MTSS1: variants seen among roughly 807,000 people sequenced by gnomAD.
The protein encoded by MTSS1 is MTSS I-BAR domain containing 1.
A neutral mutation model predicts 79.0 loss-of-function variants in MTSS1; 18 were observed. That is an observed-to-expected ratio of 0.23 (90% confidence interval 0.16 to 0.34). MTSS1 has a LOEUF of 0.34. Ranked by LOEUF, MTSS1 falls within the 10% of genes least tolerant of loss-of-function variation. MTSS1 has a pLI of 1.00. For synonymous variants in MTSS1, 341 were observed against 368.6 expected, an observed-to-expected ratio of 0.93 and a Z score of 0.86; for missense variants, 815 against 986.2, an observed-to-expected ratio of 0.83 and a Z score of 2.33.
chr8:124,695,354 G>T, intron 3 of MTSS1, among the ~76,000 whole-genome samples: 1 of 150,866 alleles, frequency 6.6e-6, no homozygotes, highest in Non-Finnish European at 1.5e-5. Flanking sequence ...AAAAATACAT[G>T]TAAAGGCTGT....
intron 3 of MTSS1, among the ~76,000 whole-genome samples, chr8:124,622,466 T>C (rs2133582327): frequency 6.8e-6 from 1 of 146,986 alleles, no homozygotes; most frequent in East Asian, 2.0e-4. Flanking sequence ...CAGTAGATTT[T>C]AGGAGCTCTT....
chr8:124,614,386 A>T (rs2133363999), intron 3 of MTSS1, among the ~76,000 whole-genome samples: 1 of 152,270 alleles, frequency 6.6e-6, no homozygotes, highest in South Asian at 2.1e-4. Context: ...AGGCCGCAAT[A>T]CCATTTCCCT....
At chr8:124,703,441 C>A (rs549520338) in intron 2 of MTSS1, among the ~76,000 whole-genome samples, 1 of 152,274 alleles carries the variant, frequency 6.6e-6, no homozygotes, top group East Asian at 1.9e-4. Flanking sequence ...TACAGGCACT[C>A]GTCACCATGC....
At chr8:124,600,047 A>C (rs1346666961) in intron 3 of MTSS1, among the ~76,000 whole-genome samples, 3 of 77,598 alleles carry the variant, frequency 3.9e-5, no homozygotes, top group Non-Finnish European at 6.8e-5. Context: ...CTACAAAAAA[A>C]AAAAAAACAA....
At chr8:124,695,508 A>G (rs1012352726) in intron 3 of MTSS1, among the ~76,000 whole-genome samples, 1 of 152,218 alleles carries the variant, frequency 6.6e-6, no homozygotes, top group South Asian at 2.1e-4. Flanking sequence ...TTTACAGATT[A>G]TCATTTCCTT....
At chr8:124,642,649 AT>A (rs1233920762) in intron 3 of MTSS1, among the ~76,000 whole-genome samples, 4 of 152,004 alleles carry the variant, frequency 2.6e-5, no homozygotes, top group Non-Finnish European at 5.9e-5. Context: ...CTGCATTGCA[AT>A]GGCATGATCT....
intron 3 of MTSS1, among the ~76,000 whole-genome samples, chr8:124,602,207 A>ATATATATACATATATATATACATAT: frequency 7.0e-6 from 1 of 142,224 alleles, no homozygotes; most frequent in African/African-American, 2.7e-5. Context: ...ATATATATAT[A>ATATATATACATATATATATACATAT]ATTTTTTTTT....
chr8:124,683,599 A>G lies in MTSS1; in HGVS notation c.208+15927T>C, dbSNP rs1276431015. On this transcript the variant is annotated intron_variant, in intron 3 of 13. Transcript: ENST00000518547. The surrounding 1 kb of genome is among the most constrained non-coding windows in gnomAD (Gnocchi z 4.5). ...GGAAGCATCCAGACAGACGGAGTGG[A>G]ACAACACAACCTTTCCAACACGAAG... 6.6e-6 allele frequency among the ~76,000 whole-genome samples: 1 copy of G among 152,214 alleles called. No homozygotes were observed. The highest frequency in any genetic ancestry group is 2.4e-5 in the African/African-American group (1 of 41,438).
chr8:124,589,614 C>T lies in MTSS1; in HGVS notation c.385+6G>A. 1 of 1,612,064 alleles carries T rather than the reference C, an allele frequency of 6.2e-7. No homozygotes were observed. Among genetic ancestry groups the T allele is most frequent in the Non-Finnish European group, 8.5e-7 (1 of 1,178,896 alleles). Reference sequence around the variant, plus strand: ...CAGTGATGCGCTAGACATCTCGCCCCTGTACCTTTTGCGTGGTCTTTATCC... The same window carrying T: ...CAGTGATGCGCTAGACATCTCGCCCTTGTACCTTTTGCGTGGTCTTTATCC... On this transcript the variant is annotated splice_donor_region_variant and intron_variant, in intron 5 of 13. Coordinates refer to ENST00000518547, the MANE Select transcript of MTSS1 (RefSeq NM_014751.6).
chr8:124,607,157 C>T lies in MTSS1; in HGVS notation c.209-15922G>A, dbSNP rs186076302. Reference sequence around the variant, plus strand: ...TCGCGTTCTACGCTCGTAATATTTGCTCTTCCTCGATTCTCTCCTGGCTCC... The same window carrying T: ...TCGCGTTCTACGCTCGTAATATTTGTTCTTCCTCGATTCTCTCCTGGCTCC... On this transcript the variant is annotated intron_variant, in intron 3 of 13. Coordinates refer to ENST00000518547, the MANE Select transcript of MTSS1 (RefSeq NM_014751.6). Among the ~76,000 whole-genome samples, 248 of 152,322 alleles carry T rather than the reference C, an allele frequency of 1.6e-3. 1 individual carries two copies. The highest frequency in any genetic ancestry group is 5.6e-3 in the African/African-American group (233 of 41,576).
chr8:124,603,712 C>T (rs2133076423), intron 3 of MTSS1, among the ~76,000 whole-genome samples: 1 of 152,308 alleles, frequency 6.6e-6, no homozygotes, highest in African/African-American at 2.4e-5. Context: ...TCACAGAGAT[C>T]AGACTCTGTT....
chr8:124,563,027 G>T, intron 9 of MTSS1, 35 bp from the exon 10 acceptor site: 3 of 1,554,312 alleles, frequency 1.9e-6, no homozygotes, highest in Non-Finnish European at 1.7e-6. Flanking sequence ...GGGTGGGCAC[G>T]GAAGGTAAAG....
chr8:124,725,051 C>T (rs1833491034), intron 1 of MTSS1, among the ~76,000 whole-genome samples: 2 of 152,212 alleles, frequency 1.3e-5, no homozygotes, highest in South Asian at 4.1e-4. Context: ...TTAGCGACCA[C>T]CACCACAGCA....
intron 2 of MTSS1, among the ~76,000 whole-genome samples, chr8:124,702,490 T>C (rs963141124): frequency 2.0e-5 from 3 of 152,216 alleles, no homozygotes; most frequent in Non-Finnish European, 2.9e-5. Flanking sequence ...ACTGTCCATC[T>C]GAGGCTGCAG....
chr8:124,686,030 G>A (rs1826912510), intron 3 of MTSS1, among the ~76,000 whole-genome samples: 2 of 152,198 alleles, frequency 1.3e-5, no homozygotes, highest in South Asian at 4.1e-4. Context: ...AGCTGCCTGG[G>A]TTTACAATTT....
At chr8:124,630,468 G>T (rs903791825) in intron 3 of MTSS1, among the ~76,000 whole-genome samples, 1 of 152,222 alleles carries the variant, frequency 6.6e-6, no homozygotes, top group Non-Finnish European at 1.5e-5. Context: ...GTGACTCAGG[G>T]GGCCTATGGG....
intron 2 of MTSS1, among the ~76,000 whole-genome samples, chr8:124,702,661 G>A (rs1241960138): frequency 1.3e-5 from 2 of 152,148 alleles, no homozygotes; most frequent in Non-Finnish European, 2.9e-5. Flanking sequence ...AAAGGCCCGA[G>A]AGCATCACAT....
rs139599813 is a variant in MTSS1 at position 124,562,537 on chromosome 8, G to A, written c.1035+245C>T. On this transcript the variant is annotated intron_variant, in intron 10 of 13. Transcript: ENST00000518547. ...AACCTCTTTCAATCCATCTACTTAC[G>A]TGAGAGCTCCCCAAATCGATGTGGT... is the stretch of plus-strand genomic sequence containing the variant. Among the ~76,000 whole-genome samples the A allele has an allele frequency of 3.9e-5, 6 of 152,282 alleles. No individual in the cohort carries two copies. In the East Asian group the frequency reaches 1.2e-3, roughly 29 times the overall value.
At chr8:124,573,433 T>C (rs1401968852) in intron 6 of MTSS1, among the ~76,000 whole-genome samples, 1 of 152,262 alleles carries the variant, frequency 6.6e-6, no homozygotes, top group Non-Finnish European at 1.5e-5. Flanking sequence ...TTCATCTTTA[T>C]TTCTCTAGTT....
Sources: allele counts gnomAD v4.1 joint callset (sites outside exome capture counted in the v4.1 genomes callset), GRCh38; gene constraint gnomAD v4.1.1; non-coding constraint Gnocchi (gnomAD v3.1); transcripts MANE v1.5; gene names NCBI Gene and HGNC (gene_info 2026-07-23, HGNC 2026-07-21).